The following CCDC191 variants were observed in gnomAD, a reference collection of about 807,000 sequenced individuals.
CCDC191 encodes the protein coiled-coil domain containing 191.
CCDC191 carries 99 observed loss-of-function variants against 114.0 expected under a neutral mutation model. The ratio of observed to expected loss-of-function variants is 0.87; its 90% CI spans 0.74 to 1.03. The LOEUF (loss-of-function observed/expected upper bound fraction) is 1.03, where lower values mean the gene tolerates loss of function less well. Ranked by LOEUF, CCDC191 falls within the 50% of genes least tolerant of loss-of-function variation. The pLI is 0.00. For synonymous variants in CCDC191, 351 were observed against 376.0 expected (o/e 0.93, Z 0.77); for missense variants, 973 against 1,087.0 (o/e 0.90, Z 1.47).
rs62265442 is a variant in CCDC191, at chr3:113,964,718, T to C, written c.*437A>G. 16,986 of 152,406 alleles carry C rather than the reference T, an allele frequency of 0.11. 1,154 individuals are homozygous for C. The highest frequency in any genetic ancestry group is 0.19 in the Admixed American group (2,834 of 15,286). The allele number at this position is 152,406 out of a possible 1,614,324, so 9.4% of individuals were successfully genotyped here. ...GGTCTGGTGGGGTGCGTGTCACTGA[T>C]GCTACTGCACTAGAAGGCTGAGTGC... is the stretch of plus-strand genomic sequence containing the variant. On this transcript the variant is annotated 3_prime_UTR_variant, in exon 17 of 17. Transcript: ENST00000295878.
intron 7 of CCDC191, among the ~76,000 whole-genome samples, 200 bp from the exon 8 acceptor site, chr3:114,019,068 G>A (rs983415840): frequency 4.6e-5 from 7 of 152,138 alleles, no homozygotes; most frequent in Admixed American, 1.3e-4. Context: ...TGCAAATGAG[G>A]CATTCTCAGC....
At chr3:113,978,636 C>T (rs1386014198) in intron 15 of CCDC191, 2 of 597,058 alleles carry the variant, frequency 3.3e-6, no homozygotes, top group Non-Finnish European at 2.9e-6. Flanking sequence ...TGATAACTTA[C>T]AGTTTATACA....
At chr3:113,976,200 A>G (rs1941325606) in intron 16 of CCDC191, among the ~76,000 whole-genome samples, 1 of 152,100 alleles carries the variant, frequency 6.6e-6, no homozygotes, top group Non-Finnish European at 1.5e-5. Context: ...CGGAGGTTGC[A>G]GTGAGCTGAG....
At chr3:114,052,910 C>T (rs928681042) in intron 2 of CCDC191, among the ~76,000 whole-genome samples, 2 of 152,042 alleles carry the variant, frequency 1.3e-5, no homozygotes, top group Non-Finnish European at 2.9e-5. Flanking sequence ...ATGTGGTACA[C>T]GATGAATTGA....
chr3:114,038,709 G>A (rs1198702281), intron 4 of CCDC191, among the ~76,000 whole-genome samples: 1 of 152,166 alleles, frequency 6.6e-6, no homozygotes, highest in African/African-American at 2.4e-5. Flanking sequence ...GCCATAAAAA[G>A]GAATGAGATC....
chr3:114,045,526 C>T (rs1481656485), intron 3 of CCDC191, among the ~76,000 whole-genome samples: 4 of 152,144 alleles, frequency 2.6e-5, no homozygotes, highest in African/African-American at 9.7e-5. Flanking sequence ...CACCCACCAC[C>T]ATGCCCTGCT....
intron 3 of CCDC191, 27 bp downstream of exon 3, chr3:114,046,564 A>G: frequency 7.6e-7 from 1 of 1,319,364 alleles, no homozygotes; most frequent in Non-Finnish European, 1.1e-6. Context: ...AATTGTTAAC[A>G]TCGCAGCAGA....
intron 7 of CCDC191, among the ~76,000 whole-genome samples, chr3:114,021,652 TG>T (rs1182375626): frequency 6.6e-6 from 1 of 152,130 alleles, no homozygotes; most frequent in Non-Finnish European, 1.5e-5. Flanking sequence ...TCCACAGACC[TG>T]AACTATTTAT....
At chr3:113,971,580 C>T (rs13096290) in intron 16 of CCDC191, among the ~76,000 whole-genome samples, 32,534 of 152,012 alleles carry the variant, frequency 0.21, 4,191 homozygotes, top group Middle Eastern at 0.35. Flanking sequence ...TTTGGTTTGC[C>T]GGTATTTGGT....
intron 16 of CCDC191, 22 bp from the exon 17 acceptor site, chr3:113,965,381 A>T (rs761323047): frequency 1.3e-6 from 2 of 1,492,414 alleles, no homozygotes; most frequent in Admixed American, 2.2e-5. Flanking sequence ...AAGAAGGAAA[A>T]AAGTGAAATG....
intron 9 of CCDC191, 75 bp from the exon 10 acceptor site, chr3:114,006,037 G>T: frequency 1.5e-6 from 2 of 1,318,674 alleles, no homozygotes; most frequent in Non-Finnish European, 2.2e-6. Flanking sequence ...TATGAGGTCA[G>T]TATTGTTTTG....
In CCDC191 at chr3:113,978,340, G is replaced by C; in HGVS notation, c.2461-9C>G. 1 of 1,613,018 alleles carries C rather than the reference G, an allele frequency of 6.2e-7. No individual in the cohort carries two copies. Among genetic ancestry groups the C allele is most frequent in the Non-Finnish European group, 8.5e-7 (1 of 1,179,620 alleles). ...TGCAGATCAATCACGTACTGGGGATGAAGACAGAAATAAAAGTGAGACAAA... is the reference window on the plus strand; with the variant it reads ...TGCAGATCAATCACGTACTGGGGATCAAGACAGAAATAAAAGTGAGACAAA... On this transcript the variant is annotated splice_polypyrimidine_tract_variant and intron_variant, in intron 15 of 16. Coordinates refer to ENST00000295878, the MANE Select transcript of CCDC191 (RefSeq NM_020817.2).
rs779645112 is a variant in CCDC191 at position 114,053,656 on chromosome 3, A to G, written c.91-21T>C. On this transcript the variant is annotated intron_variant, in intron 1 of 16. Coordinates refer to ENST00000295878, the MANE Select transcript of CCDC191 (RefSeq NM_020817.2). ...GTAGGCTGTAGATAACATATATATG[A>G]TATCAATACGCAGCAATATCTTTAT... is the stretch of plus-strand genomic sequence containing the variant. The G allele has an allele frequency of 4.0e-4, 610 of 1,529,252 alleles. 3 individuals are homozygous for G. The highest frequency in any genetic ancestry group is 3.6e-4 in the South Asian group (31 of 86,242). 94.7% of individuals were successfully genotyped at this position (1,529,252 alleles called of 1,614,324 possible).
At chr3:113,969,056 G>C (rs1940523464) in intron 16 of CCDC191, among the ~76,000 whole-genome samples, 1 of 152,160 alleles carries the variant, frequency 6.6e-6, no homozygotes, top group Admixed American at 6.6e-5. Flanking sequence ...AAAGAAAAAG[G>C]GGGAGGGAGG....
intron 4 of CCDC191, among the ~76,000 whole-genome samples, chr3:114,037,935 C>A (rs1051761122): frequency 6.6e-6 from 1 of 152,216 alleles, no homozygotes; most frequent in African/African-American, 2.4e-5. Flanking sequence ...GCAGAACCCA[C>A]AAAACATAGG....
chr3:114,002,380 A>G (rs886128578), intron 12 of CCDC191, 76 bp downstream of exon 12: 1 of 1,084,024 alleles, frequency 9.2e-7, no homozygotes, highest in African/African-American at 1.6e-5. Context: ...GTTCTGAAAA[A>G]GCAAGGTTTC....
intron 8 of CCDC191, 70 bp from the exon 9 acceptor site, chr3:114,011,091 A>C: frequency 6.7e-7 from 1 of 1,491,936 alleles, no homozygotes; most frequent in Non-Finnish European, 9.0e-7. Context: ...ATATAAATGA[A>C]ACATAAGTCC....
chr3:114,039,928 G>C (rs1258457611), intron 4 of CCDC191, among the ~76,000 whole-genome samples: 1 of 152,112 alleles, frequency 6.6e-6, no homozygotes, highest in Non-Finnish European at 1.5e-5. Context: ...TGTACCCTAA[G>C]TATACAGTGT....
At chr3:114,000,824 A>T (rs187247674) in intron 13 of CCDC191, among the ~76,000 whole-genome samples, 4 of 148,950 alleles carry the variant, frequency 2.7e-5, no homozygotes, top group Admixed American at 1.3e-4. Flanking sequence ...GATGATTAAA[A>T]TTTTTTTTTT....
Sources: allele counts gnomAD v4.1 joint callset (sites outside exome capture counted in the v4.1 genomes callset), GRCh38; gene constraint gnomAD v4.1.1; transcripts MANE v1.5; gene names NCBI Gene and HGNC (gene_info 2026-07-23, HGNC 2026-07-21).